The following MFGE8 variants were observed in gnomAD, a reference collection of about 807,000 sequenced individuals.
MFGE8 encodes the protein milk fat globule EGF and factor V/VIII domain containing, also known as lactadherin.
In MFGE8, 34 loss-of-function variants were observed where a neutral mutation model predicts 42.6. The observed-to-expected ratio is 0.80, with a 90% CI of 0.61 to 1.06. The LOEUF is 1.06. Ranked by LOEUF, MFGE8 falls within the 50% of genes least tolerant of loss-of-function variation. The pLI, the probability that MFGE8 is intolerant of heterozygous loss-of-function variation, is 0.00. For missense variants in MFGE8, 510 were observed against 516.9 expected (o/e 0.99, Z 0.13); for synonymous variants, 230 against 214.8 (o/e 1.07, Z -0.62).
chr15:88,912,854 G>A, intron 1 of MFGE8: 1 of 985,446 alleles, frequency 1.0e-6, no homozygotes, highest in Non-Finnish European at 1.2e-6. Context: ...AAGTTATCCA[G>A]ACAAGACTTA....
At chr15:88,912,076 A>G (rs1246099701) in intron 1 of MFGE8, 1 of 1,277,890 alleles carries the variant, frequency 7.8e-7, no homozygotes, top group East Asian at 5.6e-5. Context: ...AAAACGGTCC[A>G]GTGGGAAAAA....
At position 88,906,217 on chromosome 15, in the gene MFGE8, T is replaced by C. The variant is rs748912628; in HGVS notation, c.541-316A>G. On this transcript the variant is annotated intron_variant, in intron 4 of 7. Coordinates refer to ENST00000268150, the MANE Select transcript of MFGE8 (RefSeq NM_005928.4). This position sits in a 1 kb window ranked among gnomAD's most constrained non-coding sequence, Gnocchi z 4.2. ...GAAAAGGCACTCCTTTCTCAAATAGTTTATTATGACAATTTTCTGACAGAG... is the reference window on the plus strand; with the variant it reads ...GAAAAGGCACTCCTTTCTCAAATAGCTTATTATGACAATTTTCTGACAGAG... 3.7e-5 allele frequency: 18 copies of C among 481,034 alleles called. No individual in the cohort carries two copies. The highest frequency in any genetic ancestry group is 6.5e-5 in the Non-Finnish European group (17 of 262,654). The allele number at this position is 481,034 out of a possible 1,614,324, so 29.8% of individuals were successfully genotyped here. A position where few individuals can be genotyped will look rare whatever the true frequency, so the allele number is the denominator to read the frequency against.
At position 88,907,323 on chromosome 15, in the gene MFGE8, CG is replaced by C; in HGVS notation, c.258del (p.Ile86MetfsTer8). Reference sequence around the variant, plus strand: ...AAGGTCACACGCACAGACGAGGCGGCGATCTGTGAGTTGGCAATGTTCCCAT... The same window carrying C: ...AAGGTCACACGCACAGACGAGGCGGCATCTGTGAGTTGGCAATGTTCCCAT... ...LENGNIANSQ[I>X]AASSVRVTFL... On this transcript the variant is annotated frameshift_variant, in exon 3 of 8. Transcript: ENST00000268150. LOFTEE classifies it high-confidence loss of function. 6.2e-7 allele frequency: 1 copy of C among 1,614,182 alleles called. No homozygotes were observed. The highest frequency in any genetic ancestry group is 8.5e-7 in the Non-Finnish European group (1 of 1,180,018).
chr15:88,901,392 C>T lies in MFGE8; in HGVS notation c.870+159G>A, dbSNP rs1402501575. The stretch of plus-strand genomic sequence containing the variant: ...GAAGCAGGATCAAGAGAAGGGAGTA[C>T]AGGTGGGAAGAAGAAAGAAAAGCCG... On this transcript the variant is annotated intron_variant, in intron 6 of 7. Coordinates refer to ENST00000268150, the MANE Select transcript of MFGE8 (RefSeq NM_005928.4). Among the ~76,000 whole-genome samples the T allele has an allele frequency of 2.6e-5, 4 of 152,226 alleles. No homozygotes were observed. The East Asian group carries it at 5.8e-4, about 22-fold the overall frequency.
Position 88,899,788 on chromosome 15 carries a change from C to A in MFGE8, c.894G>T (p.Glu298Asp). 6.2e-7 allele frequency: 1 copy of A among 1,614,064 alleles called. No homozygotes were observed. The highest frequency in any genetic ancestry group is 8.5e-7 in the Non-Finnish European group (1 of 1,179,938). The change falls in exon 7 of 8, where the codon GAG becomes GAT. Residue 298 changes from glutamate to aspartate, a missense_variant. By Grantham distance (45) the Glu-to-Asp change is conservative. Coordinates refer to ENST00000268150, the MANE Select transcript of MFGE8 (RefSeq NM_005928.4). The surrounding 1 kb of genome is among the most constrained non-coding windows in gnomAD (Gnocchi z 6.8). ...CCCCCTGGGTGATGATGCCTGTCAC[C>A]TCCTTCGAGGAGCCCAGGTCCACCT... ...WLQVDLGSSK[E>D]VTGIITQGAR...
Position 88,898,824 on chromosome 15 carries a change from CA to C in MFGE8, c.*570del, listed in dbSNP as rs1898228334. 1 of 173,442 alleles carries C rather than the reference CA, an allele frequency of 5.8e-6. No homozygotes were observed. The highest frequency in any genetic ancestry group is 1.4e-4 in the South Asian group (1 of 7,234). 10.7% of individuals were successfully genotyped at this position (173,442 alleles called of 1,614,324 possible). On this transcript the variant is annotated 3_prime_UTR_variant, in exon 8 of 8. Coordinates refer to ENST00000268150, the MANE Select transcript of MFGE8 (RefSeq NM_005928.4). Reference sequence around the variant, plus strand: ...TCCCTTTCTCCCCATAGACCCGCCCCACCCCCTTCTGTGTCGCTGGGCTTCA... The same window carrying C: ...TCCCTTTCTCCCCATAGACCCGCCCCCCCCCTTCTGTGTCGCTGGGCTTCA...
In MFGE8 at chr15:88,905,490, C is replaced by A. The variant is rs1219396446; in HGVS notation, c.685+267G>T. 4 of 628,208 alleles carry A rather than the reference C, an allele frequency of 6.4e-6. No homozygotes were observed. The highest frequency in any genetic ancestry group is 5.4e-5 in the African/African-American group (3 of 55,716). The allele number at this position is 628,208 out of a possible 1,614,324, so 38.9% of individuals were successfully genotyped here. Reference sequence around the variant, plus strand: ...CTAGAAGCTACAGGAGAGGAGCCAACCAGAAGAAGGGAAAATACTTTGAAA... The same window carrying A: ...CTAGAAGCTACAGGAGAGGAGCCAAACAGAAGAAGGGAAAATACTTTGAAA... On this transcript the variant is annotated intron_variant, in intron 5 of 7. Coordinates refer to ENST00000268150, the MANE Select transcript of MFGE8 (RefSeq NM_005928.4). The surrounding 1 kb of genome is among the most constrained non-coding windows in gnomAD (Gnocchi z 6.6).
At chr15:88,904,756 C>T (rs72749915) in intron 5 of MFGE8, 14,057 of 152,322 alleles carry the variant, frequency 0.092, 850 homozygotes, top group Non-Finnish European at 0.14. Context: ...GCACTGAACT[C>T]AGCTCTGAGG....
At chr15:88,911,602 C>T (rs566768610) in intron 1 of MFGE8, among the ~76,000 whole-genome samples, 11 of 152,256 alleles carry the variant, frequency 7.2e-5, no homozygotes, top group African/African-American at 2.6e-4. Context: ...TGGCAGGTGC[C>T]TGTAGTCCCA....
chr15:88,908,181 T>C (rs898828937), intron 2 of MFGE8, among the ~76,000 whole-genome samples: 9 of 152,106 alleles, frequency 5.9e-5, no homozygotes, highest in African/African-American at 1.7e-4. Flanking sequence ...GCTTCTCTCA[T>C]CACCTGGGGA....
In MFGE8 at chr15:88,909,907, G is replaced by GT. The variant is rs1898879409; in HGVS notation, c.89dup (p.Asn30LysfsTer30). The GT allele has an allele frequency of 6.2e-7, 1 of 1,614,064 alleles. No individual in the cohort carries two copies. The highest frequency in any genetic ancestry group is 1.3e-5 in the African/African-American group (1 of 74,940). On this transcript the variant is annotated frameshift_variant, in exon 2 of 8. Coordinates refer to ENST00000268150, the MANE Select transcript of MFGE8 (RefSeq NM_005928.4). LOFTEE classifies it high-confidence loss of function. Reference sequence around the variant, plus strand: ...CGCATAAACCACCGTTGTGGCAGGGGTTTTTGGAACAGATATCTGGGGACA... The same window carrying GT: ...CGCATAAACCACCGTTGTGGCAGGGGTTTTTTGGAACAGATATCTGGGGACA...
intron 1 of MFGE8, 31 bp from the exon 2 acceptor site, chr15:88,909,954 T>C (rs1207127422): frequency 6.2e-7 from 1 of 1,613,354 alleles, no homozygotes; most frequent in African/African-American, 1.3e-5. Flanking sequence ...GATGAGCAGA[T>C]GATCAGGAAG....
intron 6 of MFGE8, among the ~76,000 whole-genome samples, chr15:88,901,175 T>TCA (rs145617817): frequency 0.29 from 18,344 of 63,346 alleles, 3,712 homozygotes; most frequent in Middle Eastern, 0.42. Flanking sequence ...ACACACATTC[T>TCA]CACACATTCA....
rs149096162 is a variant in MFGE8 at position 88,901,681 on chromosome 15, G to A, written c.740C>T (p.Thr247Met). ...KNNSIPDKQITASSSYKTWGL... is the reference protein window; with the variant it reads ...KNNSIPDKQIMASSSYKTWGL... ...CCAGGTCTTGTAGCTGCTGGAGGCCGTGATCTGCTTGTCAGGGATGCTGTT... is the reference window on the plus strand; with the variant it reads ...CCAGGTCTTGTAGCTGCTGGAGGCCATGATCTGCTTGTCAGGGATGCTGTT... Residue 247 changes from threonine (T) to methionine (M), a missense_variant, in exon 6 of 8, where the codon ACG becomes ATG. Coordinates refer to ENST00000268150, the MANE Select transcript of MFGE8 (RefSeq NM_005928.4). 8.1e-4 allele frequency: 1,309 copies of A among 1,613,912 alleles called. 8 individuals carry two copies. The highest frequency in any genetic ancestry group is 9.0e-4 in the Non-Finnish European group (1,061 of 1,179,986).
chr15:88,907,586 G>T (rs1211866555), intron 2 of MFGE8, among the ~76,000 whole-genome samples: 1 of 152,174 alleles, frequency 6.6e-6, no homozygotes, highest in East Asian at 1.9e-4. Flanking sequence ...TGTGGCCAGG[G>T]GTGGTGAGGA....
intron 3 of MFGE8, 66 bp downstream of exon 3, chr15:88,907,129 C>T: frequency 6.4e-7 from 1 of 1,553,224 alleles, no homozygotes; most frequent in African/African-American, 1.4e-5. Flanking sequence ...GGGTAACCCC[C>T]AAATGCAGAA....
chr15:88,911,682 G>A (rs1475055340), intron 1 of MFGE8, among the ~76,000 whole-genome samples: 10 of 151,622 alleles, frequency 6.6e-5, no homozygotes, highest in Non-Finnish European at 1.5e-4. Context: ...AGCCAAGACC[G>A]CGCCACTGCA....
Position 88,905,776 on chromosome 15 carries a change from T to C in MFGE8, c.666A>G (p.Leu222=), listed in dbSNP as rs1466204236. The change falls in exon 5 of 8, where the codon CTA becomes CTG. Residue 222 remains leucine (L), a synonymous_variant. Transcript: ENST00000268150. The surrounding 1 kb of genome is among the most constrained non-coding windows in gnomAD (Gnocchi z 6.6). ...CHTACTLRFE[L]LGCELNGCAN... ...ACTCACCGTTCAGCTCACAGCCCAG[T>C]AGCTCAAAGCGCAGAGTGCAGGCCG... The C allele has an allele frequency of 1.9e-6, 3 of 1,614,150 alleles. No individual in the cohort carries two copies. Among genetic ancestry groups the C allele is most frequent in the Admixed American group, 1.7e-5 (1 of 60,018 alleles).
At chr15:88,909,259 G>A (rs1014769098) in intron 2 of MFGE8, among the ~76,000 whole-genome samples, 2 of 152,212 alleles carry the variant, frequency 1.3e-5, no homozygotes. Context: ...CCACCTGACC[G>A]CGTGGGGATG....
Sources: gnomAD v4.1 joint callset for allele counts (sites outside exome capture counted in the v4.1 genomes callset) on GRCh38, gnomAD v4.1.1 for gene constraint, Gnocchi (gnomAD v3.1) non-coding constraint, MANE v1.5 for transcripts, NCBI Gene and HGNC (gene_info 2026-07-23, HGNC 2026-07-21) for gene names.